Variants in EYS observed in about 807,000 individuals in gnomAD.
EYS encodes the protein protein eyes shut homolog.
EYS carries 250 observed loss-of-function variants against 282.1 expected under a neutral mutation model. The ratio of observed to expected loss-of-function variants is 0.89; its 90% CI spans 0.80 to 0.98. The LOEUF is 0.98. EYS is among the 50% of genes least tolerant of loss of function. The pLI is 0.00. For synonymous variants in EYS, 1,355 were observed against 1,282.9 expected (o/e 1.06, Z -1.20); for missense variants, 4,016 against 3,709.0 (o/e 1.08, Z -2.15).
chr6:65,039,122 T>C lies in EYS; in HGVS notation c.2137+18492A>G, dbSNP rs76731514. The stretch of plus-strand genomic sequence containing the variant: ...TCCTTGATAACAAAGAACTTCTACA[T>C]TTTCTCCTTCATAGTTTTAGGTTTT... On this transcript the variant is annotated intron_variant, in intron 13 of 42. Transcript: ENST00000503581. Among the ~76,000 whole-genome samples the C allele has an allele frequency of 6.4e-3, 972 of 151,624 alleles. 18 individuals carry two copies. The highest frequency in any genetic ancestry group is 0.021 in the African/African-American group (872 of 41,528).
intron 22 of EYS, among the ~76,000 whole-genome samples, chr6:64,708,939 C>T (rs1771118434): frequency 6.6e-6 from 1 of 152,014 alleles, no homozygotes; most frequent in South Asian, 2.1e-4. Context: ...CAGACCATTC[C>T]CAGTTTTTGA....
chr6:63,901,499 A>AT (rs1177352988), intron 35 of EYS, among the ~76,000 whole-genome samples: 5 of 152,246 alleles, frequency 3.3e-5, no homozygotes, highest in African/African-American at 1.2e-4. Context: ...TATGAAGAAT[A>AT]TAACTTTACA....
At chr6:65,350,605 T>C (rs544756243) in intron 9 of EYS, among the ~76,000 whole-genome samples, 3 of 151,702 alleles carry the variant, frequency 2.0e-5, no homozygotes, top group Non-Finnish European at 4.4e-5. Flanking sequence ...TTTTTTTGTC[T>C]AGGATTTTAT....
chr6:64,502,453 C>T (rs1199207643), intron 26 of EYS, among the ~76,000 whole-genome samples: 1 of 152,118 alleles, frequency 6.6e-6, no homozygotes, highest in Admixed American at 6.5e-5. Context: ...GATCTCCTGA[C>T]CTCGTGATCC....
intron 31 of EYS, among the ~76,000 whole-genome samples, chr6:64,192,910 T>A (rs1206902910): frequency 6.6e-6 from 1 of 152,230 alleles, no homozygotes; most frequent in African/African-American, 2.4e-5. Flanking sequence ...TACTGCCAAC[T>A]CTTCAATAAA....
chr6:63,753,405 G>A (rs1044267628), intron 41 of EYS, among the ~76,000 whole-genome samples: 2 of 151,766 alleles, frequency 1.3e-5, no homozygotes, highest in Non-Finnish European at 2.9e-5. Context: ...CCATCTATTT[G>A]GAAGGCATAT....
intron 1 of EYS, among the ~76,000 whole-genome samples, chr6:65,652,124 AGCTGGAATG>A (rs1767674027): frequency 1.3e-5 from 2 of 152,076 alleles, no homozygotes; most frequent in Non-Finnish European, 2.9e-5. Context: ...ACTAGAGGGA[AGCTGGAATG>A]GCTTGAGGAA....
chr6:65,607,505 A>C (rs1305744190), intron 2 of EYS, among the ~76,000 whole-genome samples: 1 of 151,826 alleles, frequency 6.6e-6, no homozygotes, highest in African/African-American at 2.4e-5. Flanking sequence ...TGTTTATTAA[A>C]ATAGTACTTT....
intron 28 of EYS, among the ~76,000 whole-genome samples, chr6:64,408,505 T>C (rs143751159): frequency 3.9e-5 from 6 of 152,226 alleles, no homozygotes; most frequent in African/African-American, 1.4e-4. Context: ...TCTGGGAAAG[T>C]AGTGATTCCA....
chr6:65,635,038 A>T (rs557346192), intron 2 of EYS, among the ~76,000 whole-genome samples: 1 of 152,314 alleles, frequency 6.6e-6, no homozygotes, highest in Non-Finnish European at 1.5e-5. Context: ...AACTGAACTG[A>T]TCTAGTTTCA....
chr6:64,564,342 A>G (rs1057078848), intron 26 of EYS, among the ~76,000 whole-genome samples: 6 of 117,268 alleles, frequency 5.1e-5, no homozygotes, highest in African/African-American at 2.0e-4. Flanking sequence ...AGTGGCGTGG[A>G]TCTCGGCTCA....
At chr6:64,688,615 G>T (rs1015231426) in intron 22 of EYS, among the ~76,000 whole-genome samples, 1 of 152,032 alleles carries the variant, frequency 6.6e-6, no homozygotes, top group Non-Finnish European at 1.5e-5. Context: ...CTGTTCTTTT[G>T]CATTTGCTGA....
chr6:64,881,168 CT>C (rs1766905542), intron 19 of EYS, among the ~76,000 whole-genome samples: 1 of 151,716 alleles, frequency 6.6e-6, no homozygotes, highest in African/African-American at 2.4e-5. Flanking sequence ...AAACTACCCC[CT>C]AACAATTGTA....
At chr6:64,915,456 T>C (rs988720576) in intron 15 of EYS, among the ~76,000 whole-genome samples, 2 of 152,134 alleles carry the variant, frequency 1.3e-5, no homozygotes, top group Non-Finnish European at 2.9e-5. Flanking sequence ...CTCTTTCATT[T>C]AGGAAGTTGA....
At chr6:64,368,432 T>C (rs1772248429) in intron 29 of EYS, among the ~76,000 whole-genome samples, 1 of 152,160 alleles carries the variant, frequency 6.6e-6, no homozygotes, top group African/African-American at 2.4e-5. Context: ...GTTAGAATGA[T>C]TTATATTCTT....
chr6:65,077,608 C>G (rs1238701273), intron 12 of EYS, among the ~76,000 whole-genome samples: 2 of 152,042 alleles, frequency 1.3e-5, no homozygotes, highest in African/African-American at 4.8e-5. Context: ...TCATTAAACT[C>G]AAAATTATTT....
chr6:65,315,190 T>C (rs1436809280), intron 11 of EYS, among the ~76,000 whole-genome samples: 5 of 152,184 alleles, frequency 3.3e-5, no homozygotes, highest in Admixed American at 1.3e-4. Context: ...GTTTTACCAC[T>C]TCTATTCAGA....
intron 35 of EYS, among the ~76,000 whole-genome samples, chr6:63,955,618 G>A (rs1423225343): frequency 6.6e-6 from 1 of 152,000 alleles, no homozygotes; most frequent in Non-Finnish European, 1.5e-5. Flanking sequence ...AAATCACTGA[G>A]GCCTTGACTT....
chr6:65,275,606 G>A (rs1339054339), intron 12 of EYS, among the ~76,000 whole-genome samples: 1 of 152,178 alleles, frequency 6.6e-6, no homozygotes, highest in Admixed American at 6.6e-5. Flanking sequence ...CCCTGCGCTT[G>A]GAAGAAGAAA....
Sources: allele counts gnomAD v4.1 joint callset (sites outside exome capture counted in the v4.1 genomes callset), GRCh38; gene constraint gnomAD v4.1.1; transcripts MANE v1.5; gene names NCBI Gene and HGNC (gene_info 2026-07-23, HGNC 2026-07-21).